PRRC2B: variants seen among roughly 807,000 people sequenced by gnomAD.
The protein encoded by PRRC2B is proline rich coiled-coil 2B, also known as protein PRRC2B.
PRRC2B carries 68 observed loss-of-function variants against 242.3 expected under a neutral mutation model. The ratio of observed to expected loss-of-function variants is 0.28; its 90% CI spans 0.23 to 0.34. The LOEUF (loss-of-function observed/expected upper bound fraction) is 0.34, where lower values mean the gene tolerates loss of function less well. Ranked by LOEUF, PRRC2B falls within the 10% of genes least tolerant of loss-of-function variation. The pLI, the probability that PRRC2B is intolerant of heterozygous loss-of-function variation, is 1.00. For synonymous variants in PRRC2B, 1,228 were observed against 1,173.6 expected, an observed-to-expected ratio of 1.05 and a Z score of -0.95; for missense variants, 2,835 against 2,954.8, an observed-to-expected ratio of 0.96 and a Z score of 0.94.
Position 131,444,212 on chromosome 9 carries a change from CCTT to C in PRRC2B, c.500_502del (p.Phe167del), listed in dbSNP as rs1455364281. 5 of 1,614,026 alleles carry C rather than the reference CCTT, an allele frequency of 3.1e-6. No individual in the cohort carries two copies. The highest frequency in any genetic ancestry group is 1.1e-5 in the South Asian group (1 of 91,086). On this transcript the variant is annotated inframe_deletion, in exon 6 of 32. Coordinates refer to ENST00000683519, the MANE Select transcript of PRRC2B (RefSeq NM_013318.4). ...TTAAGGGGCTCAAGCCGACTGTTAT[CCTT>C]CTCTCCCGAGGAATTTCCGACGCTG...
Position 131,482,806 on chromosome 9 carries a change from G to A in PRRC2B, c.5272G>A (p.Glu1758Lys), listed in dbSNP as rs755098511. The A allele has an allele frequency of 1.4e-5, 23 of 1,609,722 alleles. No individual in the cohort carries two copies. The highest frequency in any genetic ancestry group is 5.0e-5 in the Admixed American group (3 of 59,422). The change falls in exon 22 of 32, where the codon GAG (glutamate) becomes AAG (lysine). Residue 1758 changes from glutamate to lysine, a missense_variant. Glu to Lys is a moderately conservative substitution (Grantham distance 56, BLOSUM62 1). Around this residue, in one of 7 missense-constraint regions of PRRC2B, gnomAD observed 574 missense variants for 626.0 expected, o/e 0.92. Coordinates refer to ENST00000683519, the MANE Select transcript of PRRC2B (RefSeq NM_013318.4). This position sits in a 1 kb window ranked among gnomAD's most constrained non-coding sequence, Gnocchi z 5.2. Reference protein sequence around the residue: ...LKNRKGSEGAERLQGAVVPPV... With the variant: ...LKNRKGSEGAKRLQGAVVPPV... ...AAACAGAAAGGGCTCGGAGGGGGCC[G>A]AGCGGCTGCAAGGGGCTGTCGTCCC...
chr9:131,405,766 G>A (rs1837344848), intron 1 of PRRC2B, among the ~76,000 whole-genome samples: 1 of 152,120 alleles, frequency 6.6e-6, no homozygotes, highest in African/African-American at 2.4e-5. Flanking sequence ...CGCTGGGAGA[G>A]TTGGGAATGC....
chr9:131,468,261 CT>C (rs1943449647), intron 13 of PRRC2B, among the ~76,000 whole-genome samples: 1 of 152,154 alleles, frequency 6.6e-6, no homozygotes, highest in African/African-American at 2.4e-5. Flanking sequence ...GGACAGCTCC[CT>C]TCCTGATGTT....
Position 131,492,235 on chromosome 9 carries a change from C to T in PRRC2B, c.6448C>T (p.Pro2150Ser), listed in dbSNP as rs1346605066. 2 of 1,613,734 alleles carry T rather than the reference C, an allele frequency of 1.2e-6. No homozygotes were observed. Among genetic ancestry groups the T allele is most frequent in the African/African-American group, 2.7e-5 (2 of 74,926 alleles). The part of the protein sequence containing the change: ...DSKQNVPSGG[P>S]VPSPQTYRPS... ...TAAACAGAATGTCCCTTCAGGAGGC[C>T]CCGTGCCATCGCCACAGACCTACAG... Residue 2150 changes from proline to serine, a missense_variant, in exon 30 of 32, where the codon CCC becomes TCC. Physicochemically the swap from Pro to Ser is moderately conservative, Grantham distance 74 (BLOSUM62 -1). Transcript: ENST00000683519.
rs758044803 is a variant in PRRC2B at position 131,464,846 on chromosome 9, G to T, written c.1488G>T (p.Gln496His). The T allele has an allele frequency of 6.2e-7, 1 of 1,613,930 alleles. No individual in the cohort carries two copies. The highest frequency in any genetic ancestry group is 8.5e-7 in the Non-Finnish European group (1 of 1,179,880). Residue 496 changes from glutamine (Q) to histidine (H), a missense_variant, in exon 12 of 32, where the codon CAG becomes CAT. Gln to His is a conservative substitution (Grantham distance 24). This residue lies in a region of PRRC2B where 626 missense variants were observed against 685.5 expected (regional missense o/e 0.91). Coordinates refer to ENST00000683519, the MANE Select transcript of PRRC2B (RefSeq NM_013318.4). Reference sequence around the variant, plus strand: ...CCCCACCAAGGCAGAAGTTCATTCAGTCAGAGATGTCCGAGGCGGTGGAGC... The same window carrying T: ...CCCCACCAAGGCAGAAGTTCATTCATTCAGAGATGTCCGAGGCGGTGGAGC... ...DKPPPRQKFI[Q>H]SEMSEAVERA...
rs936547776 is a variant in PRRC2B at position 131,430,547 on chromosome 9, A to G, written c.115+288A>G. Among the ~76,000 whole-genome samples the G allele has an allele frequency of 7.9e-4, 91 of 114,884 alleles. 1 individual carries two copies. Among genetic ancestry groups the G allele is most frequent in the Non-Finnish European group, 1.3e-3 (70 of 53,184 alleles). The allele number at this position is 114,884 out of a possible 152,430, so 75.4% of individuals were successfully genotyped here. A position where few individuals can be genotyped will look rare whatever the true frequency, so the allele number is the denominator to read the frequency against. On this transcript the variant is annotated intron_variant, in intron 2 of 31. Transcript: ENST00000683519. ...GATAGATATCTATCTATAGATATCT[A>G]TAGGTGTGTGTGTATGTGTGTGTGT... is the stretch of plus-strand genomic sequence containing the variant.
Position 131,432,755 on chromosome 9 carries a change from C to T in PRRC2B, c.254C>T (p.Thr85Met), listed in dbSNP as rs1838220464. 6.2e-7 allele frequency: 1 copy of T among 1,613,916 alleles called. No individual in the cohort carries two copies. The highest frequency in any genetic ancestry group is 1.3e-5 in the African/African-American group (1 of 74,924). ...PNIVIVPKDG[T>M]GWANKQDQQD... The stretch of plus-strand genomic sequence containing the variant: ...ATCGTGATAGTACCCAAGGACGGGA[C>T]GGGATGGGCAAACAAGCAGGATCAG... The change falls in exon 3 of 32, where the codon ACG becomes ATG. Residue 85 changes from threonine (T) to methionine (M), a missense_variant. Transcript: ENST00000683519.
chr9:131,422,264 A>G (rs1037917928), intron 1 of PRRC2B, among the ~76,000 whole-genome samples: 2 of 152,248 alleles, frequency 1.3e-5, no homozygotes, highest in African/African-American at 4.8e-5. Context: ...CATGTTGGCC[A>G]GCATGGTCTC....
intron 1 of PRRC2B, among the ~76,000 whole-genome samples, chr9:131,399,015 C>T (rs1382634977): frequency 1.3e-5 from 2 of 151,674 alleles, no homozygotes; most frequent in Non-Finnish European, 2.9e-5. Flanking sequence ...GTGGCTCACG[C>T]CTGTAATCCA....
At chr9:131,458,730 T>C (rs1332814868) in intron 10 of PRRC2B, among the ~76,000 whole-genome samples, 1 of 152,202 alleles carries the variant, frequency 6.6e-6, no homozygotes, top group East Asian at 1.9e-4. Context: ...CTGGAACTCC[T>C]GACCTCAAAT....
chr9:131,398,196 C>G (rs886911236), intron 1 of PRRC2B, among the ~76,000 whole-genome samples: 1 of 152,214 alleles, frequency 6.6e-6, no homozygotes, highest in African/African-American at 2.4e-5. Flanking sequence ...CTGGGCCTTG[C>G]CATTGGCGAT....
chr9:131,469,961 A>G (rs1450267487), intron 13 of PRRC2B, among the ~76,000 whole-genome samples: 1 of 152,192 alleles, frequency 6.6e-6, no homozygotes, highest in Non-Finnish European at 1.5e-5. Flanking sequence ...AGCACTGGCC[A>G]TTCTGTGGGA....
intron 1 of PRRC2B, among the ~76,000 whole-genome samples, chr9:131,388,513 T>C (rs1836855494): frequency 6.7e-6 from 1 of 149,610 alleles, no homozygotes; most frequent in Non-Finnish European, 1.5e-5. Context: ...GTGCTGGGAT[T>C]ACAGACGTGT....
chr9:131,396,325 C>CTTTTTTTTTTT (rs1165485887), intron 1 of PRRC2B, among the ~76,000 whole-genome samples: 31 of 132,944 alleles, frequency 2.3e-4, no homozygotes, highest in African/African-American at 5.3e-4. Context: ...CTTTTCTTTT[C>CTTTTTTTTTTT]TTTTTTTTTT....
At chr9:131,411,894 A>G (rs1296677682) in intron 1 of PRRC2B, among the ~76,000 whole-genome samples, 3 of 151,826 alleles carry the variant, frequency 2.0e-5, no homozygotes, top group Non-Finnish European at 4.4e-5. Context: ...GCTTACTGCA[A>G]CCCCAAACTC....
At chr9:131,478,322 G>A (rs1313557606) in intron 17 of PRRC2B, among the ~76,000 whole-genome samples, 152 bp from the exon 18 acceptor site, 3 of 152,164 alleles carry the variant, frequency 2.0e-5, no homozygotes, top group Non-Finnish European at 1.5e-5. Context: ...GGGTAACAAT[G>A]TGTTAGATCA....
At chr9:131,436,515 G>A (rs934961053) in intron 3 of PRRC2B, 105 bp from the exon 4 acceptor site, 3 of 805,190 alleles carry the variant, frequency 3.7e-6, no homozygotes, top group African/African-American at 3.4e-5. Context: ...GCCAGAGGAG[G>A]TCTGCTTCCT....
chr9:131,449,176 C>T (rs1942832044), intron 9 of PRRC2B, among the ~76,000 whole-genome samples: 1 of 152,124 alleles, frequency 6.6e-6, no homozygotes, highest in South Asian at 2.1e-4. Context: ...TTCAAAAGCC[C>T]CACTATATAC....
At chr9:131,398,064 G>A (rs1837117210) in intron 1 of PRRC2B, among the ~76,000 whole-genome samples, 1 of 152,204 alleles carries the variant, frequency 6.6e-6, no homozygotes, top group Non-Finnish European at 1.5e-5. Context: ...TGTGGTGTTG[G>A]AGATGGGAGC....
Sources: allele counts gnomAD v4.1 joint callset (sites outside exome capture counted in the v4.1 genomes callset), GRCh38; gene constraint gnomAD v4.1.1; regional missense constraint gnomAD v4.1.1; non-coding constraint Gnocchi (gnomAD v3.1); transcripts MANE v1.5; gene names NCBI Gene and HGNC (gene_info 2026-07-23, HGNC 2026-07-21).